The following KPNA1 variants were observed in gnomAD, a reference collection of about 807,000 sequenced individuals.
KPNA1 encodes the protein karyopherin subunit alpha 1.
In KPNA1, 10 loss-of-function variants were observed where a neutral mutation model predicts 70.5. The observed-to-expected ratio is 0.14, with a 90% confidence interval of 0.09 to 0.24. The LOEUF (loss-of-function observed/expected upper bound fraction) is 0.24. KPNA1 is among the 10% of genes least tolerant of loss of function. The probability of loss-of-function intolerance (pLI) is 1.00; values close to 1 mark genes in which losing one functional copy is unlikely to be tolerated. For synonymous variants in KPNA1, 192 were observed against 221.9 expected, an observed-to-expected ratio of 0.87 and a Z score of 1.20; for missense variants, 397 against 637.9, an observed-to-expected ratio of 0.62 and a Z score of 4.07.
At chr3:122,512,473 G>A (rs1238891431) in intron 1 of KPNA1, among the ~76,000 whole-genome samples, 1 of 152,220 alleles carries the variant, frequency 6.6e-6, no homozygotes, top group African/African-American at 2.4e-5. Flanking sequence ...TGTAATCCTA[G>A]AACTTCGGGA....
At chr3:122,429,777 G>A (rs1347996347) in intron 12 of KPNA1, among the ~76,000 whole-genome samples, 1 of 152,162 alleles carries the variant, frequency 6.6e-6, no homozygotes, top group Non-Finnish European at 1.5e-5. Context: ...TTGGAGGAAT[G>A]ACATTATCAA....
chr3:122,484,022 T>A (rs2076601547), intron 2 of KPNA1, among the ~76,000 whole-genome samples: 1 of 152,250 alleles, frequency 6.6e-6, no homozygotes, highest in Non-Finnish European at 1.5e-5. Flanking sequence ...TGGCTCTCCC[T>A]ATCAGAATTG....
intron 10 of KPNA1, among the ~76,000 whole-genome samples, chr3:122,440,849 T>TA (rs1286951802): frequency 6.6e-6 from 1 of 152,166 alleles, no homozygotes; most frequent in Non-Finnish European, 1.5e-5. Context: ...CATTCACTGA[T>TA]ACAGGGAACA....
chr3:122,461,994 T>C (rs145289718), intron 4 of KPNA1, among the ~76,000 whole-genome samples: 2 of 152,308 alleles, frequency 1.3e-5, no homozygotes, highest in African/African-American at 2.4e-5. Flanking sequence ...ACAATACTAC[T>C]AGGGAGATTC....
chr3:122,474,775 T>C (rs779901639), intron 2 of KPNA1, among the ~76,000 whole-genome samples: 3 of 152,096 alleles, frequency 2.0e-5, no homozygotes, highest in Non-Finnish European at 1.5e-5. Context: ...ATCATCTCAA[T>C]AGATGCAGAA....
intron 1 of KPNA1, among the ~76,000 whole-genome samples, chr3:122,497,374 G>A (rs919361383): frequency 7.9e-5 from 12 of 152,252 alleles, no homozygotes; most frequent in Non-Finnish European, 1.6e-4. Context: ...CAGCTATTAT[G>A]AATAACACTT....
chr3:122,426,510 A>G lies in KPNA1; in HGVS notation c.*475T>C, dbSNP rs2075824585. The G allele has an allele frequency of 6.5e-6, 1 of 152,820 alleles. No individual in the cohort carries two copies. The highest frequency in any genetic ancestry group is 1.5e-5 in the Non-Finnish European group (1 of 68,272). 9.5% of individuals were successfully genotyped at this position (152,820 alleles called of 1,614,324 possible). ...CCAAGGGTTCACTGTGGAAGAACTC[A>G]TGAAAAGTACTCTGAAGTATACACA... is the stretch of plus-strand genomic sequence containing the variant. On this transcript the variant is annotated 3_prime_UTR_variant, in exon 14 of 14. Transcript: ENST00000344337.
chr3:122,474,736 A>G (rs2076479067), intron 2 of KPNA1, among the ~76,000 whole-genome samples: 1 of 152,200 alleles, frequency 6.6e-6, no homozygotes, highest in South Asian at 2.1e-4. Context: ...TGTGAATCAC[A>G]TTAACAGAAT....
At chr3:122,473,071 T>G (rs1345633760) in intron 2 of KPNA1, among the ~76,000 whole-genome samples, 1 of 152,004 alleles carries the variant, frequency 6.6e-6, no homozygotes, top group African/African-American at 2.4e-5. Context: ...ACAGCGAGAC[T>G]CTGTCTCAAA....
At position 122,442,033 on chromosome 3, in the gene KPNA1, C is replaced by T. The variant is rs1206291545; in HGVS notation, c.996+5G>A. 1.9e-6 allele frequency: 3 copies of T among 1,608,130 alleles called. No individual in the cohort carries two copies. The highest frequency in any genetic ancestry group is 1.7e-5 in the Admixed American group (1 of 59,882). Reference sequence around the variant, plus strand: ...GGACAAAAAAAAGTTACCACTTCTTCATACCTGTGTCTGAATATCATCCCC... The same window carrying T: ...GGACAAAAAAAAGTTACCACTTCTTTATACCTGTGTCTGAATATCATCCCC... On this transcript the variant is annotated splice_donor_5th_base_variant and intron_variant, in intron 10 of 13. Transcript: ENST00000344337.
At chr3:122,498,168 T>C (rs1255856875) in intron 1 of KPNA1, among the ~76,000 whole-genome samples, 5 of 152,232 alleles carry the variant, frequency 3.3e-5, no homozygotes, top group Non-Finnish European at 7.3e-5. Context: ...GCACCTGCTA[T>C]AGACTGAATG....
chr3:122,514,263 G>GTA (rs1490352696), intron 1 of KPNA1, among the ~76,000 whole-genome samples: 3 of 151,986 alleles, frequency 2.0e-5, no homozygotes, highest in Non-Finnish European at 2.9e-5. Flanking sequence ...GACCCGGTCT[G>GTA]TAACTTGTGA....
chr3:122,467,293 A>G lies in KPNA1; in HGVS notation c.237+29T>C, dbSNP rs201372805. On this transcript the variant is annotated intron_variant, in intron 3 of 13. Transcript: ENST00000344337. Reference sequence around the variant, plus strand: ...ATCTACATCTCATATCTTCATCACAAAAACACTGAAAAGAGTTCATTATCT... The same window carrying G: ...ATCTACATCTCATATCTTCATCACAGAAACACTGAAAAGAGTTCATTATCT... 314 of 1,255,670 alleles carry G rather than the reference A, an allele frequency of 2.5e-4. 1 individual carries two copies. Among genetic ancestry groups the G allele is most frequent in the Non-Finnish European group, 2.6e-4 (224 of 870,630 alleles). 77.8% of individuals were successfully genotyped at this position (1,255,670 alleles called of 1,614,324 possible).
chr3:122,466,224 T>C (rs1386042100), intron 3 of KPNA1, among the ~76,000 whole-genome samples: 1 of 150,436 alleles, frequency 6.6e-6, no homozygotes, highest in Non-Finnish European at 1.5e-5. Context: ...CAAAATACTA[T>C]GAATAGTATG....
intron 10 of KPNA1, 117 bp downstream of exon 10, chr3:122,441,921 G>C (rs1240819084): frequency 1.2e-6 from 1 of 847,768 alleles, no homozygotes; most frequent in East Asian, 2.4e-5. Context: ...AAACATTAGT[G>C]TAACAGAGTA....
In KPNA1 at chr3:122,514,597, T is replaced by G. The variant is rs528447186; in HGVS notation, c.-6+160A>C. On this transcript the variant is annotated intron_variant, in intron 1 of 13. Transcript: ENST00000344337. ...GTGGCCGTTAGGACAGCCGGGCCCG[T>G]GACGCACGGACGCGGCGCGAGCGTC... The G allele has an allele frequency of 4.2e-4, 63 of 150,422 alleles. 1 individual carries two copies. The highest frequency in any genetic ancestry group is 1.4e-3 in the African/African-American group (56 of 41,074). 9.3% of individuals were successfully genotyped at this position (150,422 alleles called of 1,614,324 possible). A position where few individuals can be genotyped will look rare whatever the true frequency, so the allele number is the denominator to read the frequency against.
At chr3:122,492,920 A>C (rs1159588828) in intron 2 of KPNA1, among the ~76,000 whole-genome samples, 2 of 152,226 alleles carry the variant, frequency 1.3e-5, no homozygotes, top group African/African-American at 2.4e-5. Flanking sequence ...TATCCATTTC[A>C]GTGTTTTTAT....
intron 1 of KPNA1, among the ~76,000 whole-genome samples, chr3:122,497,527 T>C (rs546103649): frequency 6.6e-6 from 1 of 152,350 alleles, no homozygotes; most frequent in South Asian, 2.1e-4. Context: ...TGTGCCATTT[T>C]ATATTCCCCT....
intron 4 of KPNA1, among the ~76,000 whole-genome samples, 188 bp downstream of exon 4, chr3:122,463,754 T>G (rs1179858094): frequency 6.6e-6 from 1 of 152,182 alleles, no homozygotes; most frequent in African/African-American, 2.4e-5. Context: ...CTGATCCTGG[T>G]GAGATCCCAC....
Sources: gnomAD v4.1 joint callset for allele counts (sites outside exome capture counted in the v4.1 genomes callset) on GRCh38, gnomAD v4.1.1 for gene constraint, MANE v1.5 for transcripts, NCBI Gene and HGNC (gene_info 2026-07-23, HGNC 2026-07-21) for gene names.